CT55: variants seen among roughly 807,000 people sequenced by gnomAD.
CT55 encodes the protein BRCA2-interacting protein.
A neutral mutation model predicts 12.6 loss-of-function variants in CT55; 1 was observed. The ratio of observed to expected loss-of-function variants is 0.08; its 90% confidence interval spans 0.03 to 0.38. The LOEUF is 0.38. Ranked by LOEUF, CT55 falls within the 10% of genes least tolerant of loss-of-function variation. The probability of loss-of-function intolerance (pLI) is 0.99; values close to 1 mark genes in which losing one functional copy is unlikely to be tolerated. For missense variants in CT55, 109 were observed against 135.4 expected, an observed-to-expected ratio of 0.80 and a Z score of 0.97; for synonymous variants, 43 against 49.7, an observed-to-expected ratio of 0.87 and a Z score of 0.57.
chrX:135,160,307 A>G (rs782748208), intron 3 of CT55, 104 bp downstream of exon 3: 4 of 822,756 alleles, frequency 4.9e-6, no homozygotes, highest in Non-Finnish European at 6.7e-6. Context: ...CTAACACTGA[A>G]GAGCCATTGA....
intron 3 of CT55, 117 bp from the exon 4 acceptor site, chrX:135,158,428 A>G (rs1337622875): frequency 2.2e-6 from 1 of 445,355 alleles, no homozygotes; most frequent in Admixed American, 3.5e-5. Context: ...TCTAAAGTCC[A>G]TTTTGTGCAT....
At chrX:135,165,724 GA>G (rs1451072743) in intron 2 of CT55, among the ~76,000 whole-genome samples, 3 of 110,271 alleles carry the variant, frequency 2.7e-5, no homozygotes, top group African/African-American at 9.9e-5. Context: ...TAAAATCAAA[GA>G]TGAAAAAGGA....
intron 2 of CT55, among the ~76,000 whole-genome samples, chrX:135,167,451 AAATG>A (rs1210993032): frequency 8.9e-6 from 1 of 111,983 alleles, no homozygotes; most frequent in Non-Finnish European, 1.9e-5. Context: ...AATCAACTCA[AAATG>A]ATTTAAAGCT....
intron 2 of CT55, among the ~76,000 whole-genome samples, chrX:135,164,787 C>T (rs1332882988): frequency 9.8e-5 from 11 of 112,261 alleles, no homozygotes; most frequent in Non-Finnish European, 1.7e-4. Context: ...AGCTGCTAAA[C>T]TGATTTCAAA....
At chrX:135,171,020 G>A (rs2148445917) in intron 1 of CT55, 58 bp downstream of exon 1, 1 of 1,190,517 alleles carries the variant, frequency 8.4e-7, no homozygotes, top group Non-Finnish European at 1.1e-6. Context: ...CGGGGGTGAG[G>A]AGAACCCCTA....
rs781971556 is a variant in CT55, at chrX:135,163,028, C to T, written c.280-2473G>A. Reference sequence around the variant, plus strand: ...AGTGCTTCAATAGCTGTAGTGTTCACAAGCATAAGGACCAAAAGAGACCTA... The same window carrying T: ...AGTGCTTCAATAGCTGTAGTGTTCATAAGCATAAGGACCAAAAGAGACCTA... On this transcript the variant is annotated intron_variant, in intron 2 of 5. Transcript: ENST00000276241. Among the ~76,000 whole-genome samples, 19 of 111,777 alleles carry T rather than the reference C, an allele frequency of 1.7e-4. 1 individual carries two copies. The South Asian group carries it at 6.1e-3, about 36-fold the overall frequency.
At chrX:135,164,504 GAGAA>G (rs1405405200) in intron 2 of CT55, among the ~76,000 whole-genome samples, 1 of 111,375 alleles carries the variant, frequency 9.0e-6, no homozygotes, top group Non-Finnish European at 1.9e-5. Flanking sequence ...AACAGTAAAA[GAGAA>G]AGAAAGGAAG....
At chrX:135,163,826 C>G (rs2083572111) in intron 2 of CT55, among the ~76,000 whole-genome samples, 1 of 111,413 alleles carries the variant, frequency 9.0e-6, no homozygotes, top group African/African-American at 3.3e-5. Flanking sequence ...AGAAGCAAAT[C>G]ACATATAAGG....
intron 2 of CT55, among the ~76,000 whole-genome samples, chrX:135,168,877 C>T (rs1556406369): frequency 8.9e-6 from 1 of 112,281 alleles, no homozygotes; most frequent in East Asian, 2.8e-4. Flanking sequence ...CCATAAATAT[C>T]CCTATTGTAT....
chrX:135,163,795 T>G (rs2083571994), intron 2 of CT55, among the ~76,000 whole-genome samples: 2 of 110,939 alleles, frequency 1.8e-5, no homozygotes, highest in African/African-American at 6.6e-5. Context: ...AAAGAAAGAA[T>G]CCTGAGAGCA....
chrX:135,166,049 A>C (rs1369078063), intron 2 of CT55, among the ~76,000 whole-genome samples: 1 of 104,144 alleles, frequency 9.6e-6, no homozygotes, highest in Non-Finnish European at 2.0e-5. Context: ...AAAAAAAAAA[A>C]AAAAAAAAAA....
chrX:135,170,030 A>T (rs2083604115), intron 1 of CT55, among the ~76,000 whole-genome samples: 1 of 111,736 alleles, frequency 8.9e-6, no homozygotes, highest in African/African-American at 3.3e-5. Flanking sequence ...TTTTTTGAGC[A>T]GAGTCTGGCT....
At position 135,160,385 on chromosome X, in the gene CT55, C is replaced by A. The variant is rs189681081; in HGVS notation, c.424+26G>T. 197 of 1,134,150 alleles carry A rather than the reference C, an allele frequency of 1.7e-4. No homozygotes were observed. The African/African-American group carries it at 3.1e-3, about 18-fold the overall frequency. 93.5% of individuals were successfully genotyped at this position (1,134,150 alleles called of 1,213,427 possible). ...CCTCTCAAAAAATTAAGAATTACATCATATATTTCAAAATATAAATCATAC... is the reference window on the plus strand; with the variant it reads ...CCTCTCAAAAAATTAAGAATTACATAATATATTTCAAAATATAAATCATAC... On this transcript the variant is annotated intron_variant, in intron 3 of 5. Transcript: ENST00000276241.
intron 2 of CT55, among the ~76,000 whole-genome samples, chrX:135,165,090 C>G (rs1556405769): frequency 1.8e-5 from 2 of 112,228 alleles, no homozygotes. Flanking sequence ...ACCTGACAGT[C>G]ATTTACAGAA....
At chrX:135,169,297 T>A (rs1274336200) in intron 2 of CT55, among the ~76,000 whole-genome samples, 3 of 112,429 alleles carry the variant, frequency 2.7e-5, no homozygotes, top group Non-Finnish European at 5.6e-5. Flanking sequence ...ACAGAAAATG[T>A]TTTTTTACCT....
chrX:135,170,821 G>T (rs2148445853), intron 1 of CT55, among the ~76,000 whole-genome samples: 1 of 112,015 alleles, frequency 8.9e-6, no homozygotes. Flanking sequence ...TGGGGGAAAA[G>T]CACAGGCGGT....
At chrX:135,159,130 G>C (rs1316265728) in intron 3 of CT55, among the ~76,000 whole-genome samples, 1 of 111,163 alleles carries the variant, frequency 9.0e-6, no homozygotes, top group Non-Finnish European at 1.9e-5. Flanking sequence ...GAAAACTAGT[G>C]ATATCAACAA....
intron 4 of CT55, among the ~76,000 whole-genome samples, chrX:135,157,816 G>A (rs2083543333): frequency 3.3e-5 from 1 of 30,207 alleles, no homozygotes; most frequent in South Asian, 1.8e-3. Flanking sequence ...GCATATTCAG[G>A]CTTTAATAAC....
chrX:135,170,936 T>C, intron 1 of CT55, 142 bp downstream of exon 1: 2 of 1,021,591 alleles, frequency 2.0e-6, no homozygotes, highest in Non-Finnish European at 2.6e-6. Context: ...TTGCCTCGGG[T>C]TGCCTCCCCA....
Sources: gnomAD v4.1 joint callset for allele counts (sites outside exome capture counted in the v4.1 genomes callset) on GRCh38, gnomAD v4.1.1 for gene constraint, MANE v1.5 for transcripts, NCBI Gene and HGNC (gene_info 2026-07-23, HGNC 2026-07-21) for gene names.